FBXO25: variants seen among roughly 807,000 people sequenced by gnomAD.
The protein encoded by FBXO25 is F-box protein 25, also known as F-box only protein 25.
A neutral mutation model predicts 51.9 loss-of-function variants in FBXO25; 45 were observed. The ratio of observed to expected loss-of-function variants is 0.87; its 90% CI spans 0.68 to 1.11. FBXO25 has a LOEUF of 1.11. Ranked by LOEUF, FBXO25 falls within the 50% of genes most tolerant of loss-of-function variation. The pLI is 0.00. For synonymous variants in FBXO25, 199 were observed against 151.0 expected (o/e 1.32, Z -2.33); for missense variants, 507 against 428.5 (o/e 1.18, Z -1.62).
rs147288048 is a variant in FBXO25, at chr8:451,304, G to C, written c.511G>C (p.Asp171His). The stretch of plus-strand genomic sequence containing the variant: ...CCACCACAATCCTCGCTTAATCAAA[G>C]ATCTTCTGCAAGACCTAAGCTCTAC... ...DDHHNPRLIK[D>H]LLQDLSSTLC... Residue 171 changes from aspartate to histidine, a missense_variant, in exon 7 of 10, where the codon GAT becomes CAT. Physicochemically the swap from Asp to His is moderately conservative, Grantham distance 81. Transcript: ENST00000350302. The C allele has an allele frequency of 6.2e-6, 10 of 1,610,246 alleles. No homozygotes were observed. In the Admixed American group the frequency reaches 6.8e-5, roughly 11 times the overall value.
At position 474,524 on chromosome 8, in the gene FBXO25, C is replaced by T. The variant is rs1267546549; in HGVS notation, c.*5720C>T. 5 of 342,306 alleles carry T rather than the reference C, an allele frequency of 1.5e-5. No individual in the cohort carries two copies. Among genetic ancestry groups the T allele is most frequent in the African/African-American group, 8.7e-5 (4 of 45,844 alleles). The allele number at this position is 342,306 out of a possible 1,614,324, so 21.2% of individuals were successfully genotyped here. On this transcript the variant is annotated 3_prime_UTR_variant, in exon 10 of 10. Transcript: ENST00000350302. ...CATTTTACATTCCCACTGAAGGTTC[C>T]AGTTTTGCCACATCCTTGCCAACAC...
In FBXO25 at chr8:435,881, G is replaced by C. The variant is rs1333831802; in HGVS notation, c.381+174G>C. Reference sequence around the variant, plus strand: ...TTCAGGAGAAAACAGTGAGGTTGGAGGATTTCTCCAGTATTGGTGGCAGAG... The same window carrying C: ...TTCAGGAGAAAACAGTGAGGTTGGACGATTTCTCCAGTATTGGTGGCAGAG... On this transcript the variant is annotated intron_variant, in intron 5 of 9. Coordinates refer to ENST00000350302, the MANE Select transcript of FBXO25 (RefSeq NM_183420.2). 5.3e-5 allele frequency among the ~76,000 whole-genome samples: 8 copies of C among 152,338 alleles called. No homozygotes were observed. In the South Asian group the frequency reaches 6.2e-4, roughly 12 times the overall value.
rs760106110 is a variant in FBXO25, at chr8:477,060, G to C, written c.*8256G>C. On this transcript the variant is annotated 3_prime_UTR_variant, in exon 10 of 10. Coordinates refer to ENST00000350302, the MANE Select transcript of FBXO25 (RefSeq NM_183420.2). ...TTCCCCATTAATCTGCTGGTTGAGA[G>C]CGTTGTTTAATTTTCACATAATTGT... is the stretch of plus-strand genomic sequence containing the variant. 1 of 152,138 alleles carries C rather than the reference G, an allele frequency of 6.6e-6. No individual in the cohort carries two copies. Among genetic ancestry groups the C allele is most frequent in the African/African-American group, 2.4e-5 (1 of 41,410 alleles). 9.4% of individuals were successfully genotyped at this position (152,138 alleles called of 1,614,324 possible).
intron 8 of FBXO25, among the ~76,000 whole-genome samples, chr8:462,384 C>G (rs1354416839): frequency 6.6e-6 from 1 of 151,900 alleles, no homozygotes; most frequent in Non-Finnish European, 1.5e-5. Context: ...AGATATAAGT[C>G]TGTTATCACA....
rs151274229 is a variant in FBXO25 at position 451,703 on chromosome 8, ATTTACC to A, written c.660+253_660+258del. On this transcript the variant is annotated intron_variant, in intron 7 of 9. Transcript: ENST00000350302. ...CCTATGGGTGATTAGATGTAAATAA[ATTTACC>A]TTCATGGGAAACTGAATATTTCAGT... 4.4e-3 allele frequency among the ~76,000 whole-genome samples: 671 copies of A among 152,344 alleles called. 3 individuals are homozygous for A. The highest frequency in any genetic ancestry group is 0.015 in the African/African-American group (638 of 41,584).
At chr8:453,404 C>T (rs1258835285) in intron 7 of FBXO25, among the ~76,000 whole-genome samples, 2 of 152,102 alleles carry the variant, frequency 1.3e-5, no homozygotes, top group African/African-American at 2.4e-5. Context: ...ACCCTGTGCC[C>T]TGCTTCTAGC....
chr8:416,632 G>A (rs1796819379), intron 2 of FBXO25, among the ~76,000 whole-genome samples: 1 of 152,152 alleles, frequency 6.6e-6, no homozygotes. Context: ...CCTTGGAAAT[G>A]GAATGGGCCG....
At chr8:432,174 C>A (rs912199118) in intron 3 of FBXO25, among the ~76,000 whole-genome samples, 1 of 152,168 alleles carries the variant, frequency 6.6e-6, no homozygotes, top group Non-Finnish European at 1.5e-5. Flanking sequence ...AATACAAGCA[C>A]TGTGATATCT....
intron 2 of FBXO25, among the ~76,000 whole-genome samples, chr8:423,682 C>G (rs530817338): frequency 1.3e-5 from 2 of 152,270 alleles, no homozygotes; most frequent in Admixed American, 6.5e-5. Flanking sequence ...TTTTCTTTAT[C>G]CAGTCTACCA....
intron 5 of FBXO25, among the ~76,000 whole-genome samples, chr8:439,875 C>G (rs1225536552): frequency 2.0e-5 from 3 of 152,178 alleles, no homozygotes; most frequent in Non-Finnish European, 4.4e-5. Context: ...TGAGGCCAGC[C>G]TGGGCAACAT....
chr8:447,095 C>T (rs548692966), intron 5 of FBXO25, among the ~76,000 whole-genome samples: 9 of 152,296 alleles, frequency 5.9e-5, no homozygotes, highest in African/African-American at 2.2e-4. Context: ...GTCTAGAAGT[C>T]GAGCCCCACA....
At position 463,055 on chromosome 8, in the gene FBXO25, T is replaced by C. The variant is rs774518476; in HGVS notation, c.892T>C (p.Leu298=). 4 of 1,613,670 alleles carry C rather than the reference T, an allele frequency of 2.5e-6. No individual in the cohort carries two copies. In the East Asian group the frequency reaches 6.7e-5, roughly 27 times the overall value. Residue 298 remains leucine (L), a synonymous_variant, in exon 9 of 10, where the codon TTG becomes CTG. Transcript: ENST00000350302. ...AGAAAAAGGTCATATTGAATGGAAG[T>C]TGATGTACTTTGCACTTCAGAAACA... is the stretch of plus-strand genomic sequence containing the variant. The part of the protein sequence containing the change: ...LSEKGHIEWK[L]MYFALQKHYP...
chr8:458,348 G>T (rs751997764), intron 7 of FBXO25, 21 bp from the exon 8 acceptor site: 6 of 1,608,656 alleles, frequency 3.7e-6, no homozygotes, highest in Non-Finnish European at 5.1e-6. Flanking sequence ...TCAGTGAGTT[G>T]CTGTTGTGTT....
chr8:421,141 T>G (rs1797128388), intron 2 of FBXO25, among the ~76,000 whole-genome samples: 1 of 152,220 alleles, frequency 6.6e-6, no homozygotes, highest in Non-Finnish European at 1.5e-5. Flanking sequence ...GCAGCAGCAT[T>G]AGATTCTCAT....
rs1207872049 is a variant in FBXO25 at position 473,797 on chromosome 8, C to G, written c.*4993C>G. The G allele has an allele frequency of 1.3e-5, 2 of 152,132 alleles. No individual in the cohort carries two copies. Among genetic ancestry groups the G allele is most frequent in the East Asian group, 3.9e-4 (2 of 5,192 alleles). The allele number at this position is 152,132 out of a possible 1,614,324, so 9.4% of individuals were successfully genotyped here. A position where few individuals can be genotyped will look rare whatever the true frequency, so the allele number is the denominator to read the frequency against. On this transcript the variant is annotated 3_prime_UTR_variant, in exon 10 of 10. Transcript: ENST00000350302. Reference sequence around the variant, plus strand: ...ACATCTGTGTCAAATAGAAGAGACACCTCAACTGTCTCGTTTTTGCATGGA... The same window carrying G: ...ACATCTGTGTCAAATAGAAGAGACAGCTCAACTGTCTCGTTTTTGCATGGA...
At chr8:409,962 G>A (rs1796390838) in intron 1 of FBXO25, among the ~76,000 whole-genome samples, 1 of 151,994 alleles carries the variant, frequency 6.6e-6, no homozygotes, top group African/African-American at 2.4e-5. Flanking sequence ...CATCTTTTCT[G>A]CTTATTTTTC....
intron 1 of FBXO25, among the ~76,000 whole-genome samples, chr8:410,292 T>C (rs1796411787): frequency 6.6e-6 from 1 of 152,204 alleles, no homozygotes; most frequent in Non-Finnish European, 1.5e-5. Flanking sequence ...TGTTCTTTTT[T>C]AGTTCCTTAG....
At chr8:464,060 C>G (rs1244923834) in intron 9 of FBXO25, among the ~76,000 whole-genome samples, 1 of 152,216 alleles carries the variant, frequency 6.6e-6, no homozygotes, top group East Asian at 1.9e-4. Flanking sequence ...GCCCCGACTT[C>G]TGGGCTCAAG....
rs56148136 is a variant in FBXO25, at chr8:409,044, G to A, written c.-8+1978G>A. Reference sequence around the variant, plus strand: ...AACAAATACATTCCCATTGAAAGCCGTGGGTCATCATCATTCTATAAAACT... The same window carrying A: ...AACAAATACATTCCCATTGAAAGCCATGGGTCATCATCATTCTATAAAACT... On this transcript the variant is annotated intron_variant, in intron 1 of 9. Transcript: ENST00000350302. Among the ~76,000 whole-genome samples, 1,271 of 152,234 alleles carry A rather than the reference G, an allele frequency of 8.3e-3. 17 individuals are homozygous for A. The highest frequency in any genetic ancestry group is 0.029 in the African/African-American group (1,222 of 41,540).
Sources: allele counts gnomAD v4.1 joint callset (sites outside exome capture counted in the v4.1 genomes callset), GRCh38; gene constraint gnomAD v4.1.1; transcripts MANE v1.5; gene names NCBI Gene and HGNC (gene_info 2026-07-23, HGNC 2026-07-21).